The following WNT11 variants were observed in gnomAD, a reference collection of about 807,000 sequenced individuals.
WNT11 encodes protein Wnt-11.
A neutral mutation model predicts 35.6 loss-of-function variants in WNT11; 20 were observed. The ratio of observed to expected loss-of-function variants is 0.56; its 90% CI spans 0.40 to 0.82. The LOEUF is 0.82. Among genes scored for constraint, WNT11 ranks in the 40% least tolerant of loss-of-function variants. The pLI is 0.00. For synonymous variants in WNT11, 200 were observed against 211.9 expected, an observed-to-expected ratio of 0.94 and a Z score of 0.49; for missense variants, 459 against 504.4, an observed-to-expected ratio of 0.91 and a Z score of 0.86.
At chr11:76,188,115 G>A (rs182517135) in intron 4 of WNT11, among the ~76,000 whole-genome samples, 31 of 152,284 alleles carry the variant, frequency 2.0e-4, no homozygotes, top group Admixed American at 1.8e-3. Context: ...TGAAATACTC[G>A]AACCCCCACT....
upstream of WNT11, among the ~76,000 whole-genome samples, chr11:76,210,044 T>C (rs1267697086): frequency 2.7e-5 from 4 of 146,438 alleles, no homozygotes; most frequent in Middle Eastern, 7.2e-3. Flanking sequence ...TTTGCCACCC[T>C]TTCCCCCCGC....
rs993978822 is a variant in WNT11 at position 76,187,807 on chromosome 11, C to G, written c.891-568G>C. ...CCTTGTTTTGTTGTCTTGGAGATAG[C>G]TTTTTTCTATTTCTTCTACTTCTAA... On this transcript the variant is annotated intron_variant, in intron 4 of 4. Coordinates refer to ENST00000322563, the MANE Select transcript of WNT11 (RefSeq NM_004626.3). 2.6e-5 allele frequency among the ~76,000 whole-genome samples: 4 copies of G among 152,102 alleles called. No individual in the cohort carries two copies. In the South Asian group the frequency reaches 6.2e-4, roughly 24 times the overall value.
upstream of WNT11, among the ~76,000 whole-genome samples, chr11:76,207,278 G>T (rs555779367): frequency 7.7e-4 from 117 of 152,330 alleles, no homozygotes; most frequent in African/African-American, 2.7e-3. Flanking sequence ...CAGGAGAACC[G>T]CTTGAACCCG....
intron 4 of WNT11, among the ~76,000 whole-genome samples, chr11:76,189,559 C>G (rs1953149081): frequency 2.0e-5 from 3 of 152,196 alleles, no homozygotes; most frequent in Non-Finnish European, 4.4e-5. Flanking sequence ...AGGGAGGCAG[C>G]CTCTAGAGAT....
upstream of WNT11, chr11:76,210,292 G>T: frequency 2.3e-6 from 1 of 435,086 alleles, no homozygotes; most frequent in Non-Finnish European, 3.1e-6. Flanking sequence ...CCGCAAAGGG[G>T]AACTCTTCGG....
chr11:76,209,420 C>G (rs1261061060), upstream of WNT11, among the ~76,000 whole-genome samples: 2 of 152,176 alleles, frequency 1.3e-5, no homozygotes, highest in Non-Finnish European at 2.9e-5. Context: ...TTGCGGGGTC[C>G]CCCCTACCCC....
intron 1 of WNT11, among the ~76,000 whole-genome samples, chr11:76,202,560 C>T (rs540688396): frequency 5.9e-5 from 9 of 152,184 alleles, no homozygotes; most frequent in Non-Finnish European, 4.4e-5. Context: ...CCCAGGCTTC[C>T]GTCTACTCCC....
At position 76,196,736 on chromosome 11, in the gene WNT11, G is replaced by A. The variant is rs1346195870; in HGVS notation, c.84-18C>T. The A allele has an allele frequency of 2.5e-6, 4 of 1,572,306 alleles. No homozygotes were observed. In the Admixed American group the frequency reaches 5.5e-5, roughly 21 times the overall value. On this transcript the variant is annotated intron_variant, in intron 1 of 4. Transcript: ENST00000322563. The stretch of plus-strand genomic sequence containing the variant: ...ACAGCGCCCTGCACACCATGGAAAG[G>A]CCATGACCGATGGAAGGAGAGACAG...
At chr11:76,189,415 G>A (rs1953146187) in intron 4 of WNT11, among the ~76,000 whole-genome samples, 2 of 152,200 alleles carry the variant, frequency 1.3e-5, no homozygotes, top group Admixed American at 6.5e-5. Context: ...GACTGTGGGT[G>A]GGGGTGGGTT....
intron 4 of WNT11, among the ~76,000 whole-genome samples, chr11:76,188,597 C>A (rs954279215): frequency 2.6e-5 from 4 of 152,234 alleles, no homozygotes; most frequent in Non-Finnish European, 5.9e-5. Context: ...AGGGTCCCCA[C>A]ATGTGGGCCG....
At chr11:76,187,871 C>G (rs1953122361) in intron 4 of WNT11, among the ~76,000 whole-genome samples, 1 of 151,430 alleles carries the variant, frequency 6.6e-6, no homozygotes, top group Non-Finnish European at 1.5e-5. Flanking sequence ...ATAAGCCTAT[C>G]TTTATGTGTA....
chr11:76,206,439 C>A lies in WNT11; in HGVS notation c.-32G>T, dbSNP rs920036113. ...GCGGCGGGCGCGCCCGGGGTCACAC[C>A]CAGGAGGAGCCGCGCCGAAGTCCTC... is the stretch of plus-strand genomic sequence containing the variant. On this transcript the variant is annotated 5_prime_UTR_variant, in exon 1 of 5. Transcript: ENST00000322563. 1.5e-5 allele frequency: 21 copies of A among 1,416,592 alleles called. No individual in the cohort carries two copies. The highest frequency in any genetic ancestry group is 2.9e-5 in the Admixed American group (1 of 34,844). The allele number at this position is 1,416,592 out of a possible 1,614,324, so 87.8% of individuals were successfully genotyped here.
rs115671502 is a variant in WNT11, at chr11:76,203,400, C to T, written c.83+2925G>A. 8.8e-3 allele frequency among the ~76,000 whole-genome samples: 1,340 copies of T among 152,324 alleles called. 23 individuals carry two copies. Among genetic ancestry groups the T allele is most frequent in the African/African-American group, 0.031 (1,294 of 41,580 alleles). On this transcript the variant is annotated intron_variant, in intron 1 of 4. Transcript: ENST00000322563. ...GTGTGGGACTGCCCAGGGAAGGGGGCGGCCTTTATGGATGTTCCCAACCGG... is the reference window on the plus strand; with the variant it reads ...GTGTGGGACTGCCCAGGGAAGGGGGTGGCCTTTATGGATGTTCCCAACCGG...
rs143934752 is a variant in WNT11, at chr11:76,191,821, G to A, written c.633C>T (p.Cys211=). 905 of 1,607,044 alleles carry A rather than the reference G, an allele frequency of 5.6e-4. 6 individuals are homozygous for A. In the African/African-American group the frequency reaches 0.011, roughly 19 times the overall value. Residue 211 remains cysteine, a synonymous_variant, in exon 4 of 5, where the codon TGC becomes TGT. Transcript: ENST00000322563. ...TGGAGCAGGAGCCAGACACCCCATG[G>A]CACTTACACTTCATTTCCAGAGAGG... ...LRASLEMKCK[C]HGVSGSCSIR...
At chr11:76,204,795 C>T (rs941830930) in intron 1 of WNT11, among the ~76,000 whole-genome samples, 2 of 152,042 alleles carry the variant, frequency 1.3e-5, no homozygotes, top group Non-Finnish European at 2.9e-5. Context: ...TGCAGGGTCT[C>T]GGTGTTCCCA....
chr11:76,201,168 C>A (rs1953368137), intron 1 of WNT11, among the ~76,000 whole-genome samples: 2 of 152,328 alleles, frequency 1.3e-5, no homozygotes, highest in South Asian at 4.1e-4. Context: ...GGCTCAGACT[C>A]CCCAGGCGGC....
At chr11:76,209,709 G>A (rs1953531565), upstream of WNT11, among the ~76,000 whole-genome samples, 1 of 151,986 alleles carries the variant, frequency 6.6e-6, no homozygotes, top group African/African-American at 2.4e-5. Context: ...TGGGAAGGGT[G>A]GGTGGGAGCA....
At position 76,186,484 on chromosome 11, in the gene WNT11, A is replaced by G. The variant is rs1478447366; in HGVS notation, c.*581T>C. ...AAAATAGAGATCATTATATATATACATATATATTTATATATATAAAATATA... is the reference window on the plus strand; with the variant it reads ...AAAATAGAGATCATTATATATATACGTATATATTTATATATATAAAATATA... On this transcript the variant is annotated 3_prime_UTR_variant, in exon 5 of 5. Transcript: ENST00000322563. 6.7e-6 allele frequency: 1 copy of G among 148,692 alleles called. No homozygotes were observed. Among genetic ancestry groups the G allele is most frequent in the Non-Finnish European group, 1.5e-5 (1 of 67,278 alleles). The allele number at this position is 148,692 out of a possible 1,614,324, so 9.2% of individuals were successfully genotyped here.
At chr11:76,204,791 G>T (rs1953445314) in intron 1 of WNT11, among the ~76,000 whole-genome samples, 1 of 152,072 alleles carries the variant, frequency 6.6e-6, no homozygotes, top group African/African-American at 2.4e-5. Context: ...CCTTTGCAGG[G>T]TCTCGGTGTT....
Sources: allele counts gnomAD v4.1 joint callset (sites outside exome capture counted in the v4.1 genomes callset), GRCh38; gene constraint gnomAD v4.1.1; transcripts MANE v1.5; gene names NCBI Gene and HGNC (gene_info 2026-07-23, HGNC 2026-07-21).